Variants in MMD observed in about 807,000 individuals in gnomAD.
MMD encodes the protein monocyte to macrophage differentiation associated, also known as monocyte to macrophage differentiation factor.
MMD carries 22 observed loss-of-function variants against 33.6 expected under a neutral mutation model. That is an observed-to-expected ratio of 0.66 (90% CI 0.47 to 0.94). MMD has a LOEUF of 0.94. Among genes scored for constraint, MMD ranks in the 40% least tolerant of loss-of-function variants. MMD has a pLI of 0.00. For synonymous variants in MMD, 97 were observed against 103.2 expected, an observed-to-expected ratio of 0.94 and a Z score of 0.36; for missense variants, 242 against 309.8, an observed-to-expected ratio of 0.78 and a Z score of 1.64.
rs902689542 is a variant in MMD at position 55,411,175 on chromosome 17, T to C, written c.269+82A>G. 5 of 1,473,960 alleles carry C rather than the reference T, an allele frequency of 3.4e-6. 1 individual carries two copies. In the Admixed American group the frequency reaches 8.3e-5, roughly 24 times the overall value. The allele number at this position is 1,473,960 out of a possible 1,614,324, so 91.3% of individuals were successfully genotyped here. On this transcript the variant is annotated intron_variant, in intron 3 of 6. Coordinates refer to ENST00000262065, the MANE Select transcript of MMD (RefSeq NM_012329.3). ...ATGTCTACTCTTTGCCCTACTTGAC[T>C]AAAGCATGCCAGCTTGGAAGGGTAC... is the stretch of plus-strand genomic sequence containing the variant.
intron 4 of MMD, among the ~76,000 whole-genome samples, 186 bp from the exon 5 acceptor site, chr17:55,404,054 C>A (rs1907446322): frequency 6.6e-6 from 1 of 152,144 alleles, no homozygotes; most frequent in Non-Finnish European, 1.5e-5. Context: ...TGTCAGTCGA[C>A]CTTTAAGACT....
At chr17:55,415,568 G>C (rs2143158211) in intron 1 of MMD, among the ~76,000 whole-genome samples, 1 of 152,248 alleles carries the variant, frequency 6.6e-6, no homozygotes, top group South Asian at 2.1e-4. Context: ...ATTTTAGAGA[G>C]TGCCAAGTTT....
chr17:55,407,643 A>G (rs1907606984), intron 4 of MMD, 103 bp downstream of exon 4: 2 of 1,001,042 alleles, frequency 2.0e-6, no homozygotes, highest in Non-Finnish European at 3.0e-6. Flanking sequence ...GGTGGTGTAC[A>G]CATGAGGGCT....
At chr17:55,409,479 A>G (rs1008921631) in intron 3 of MMD, among the ~76,000 whole-genome samples, 1 of 152,340 alleles carries the variant, frequency 6.6e-6, no homozygotes, top group African/African-American at 2.4e-5. Context: ...CACTTACCTC[A>G]TAGGTAAAGT....
chr17:55,407,166 TA>T (rs1327746580), intron 4 of MMD, among the ~76,000 whole-genome samples: 1 of 151,702 alleles, frequency 6.6e-6, no homozygotes, highest in Non-Finnish European at 1.5e-5. Flanking sequence ...CCGTCTCTAC[TA>T]AAAATACAAA....
intron 4 of MMD, among the ~76,000 whole-genome samples, chr17:55,406,560 T>G (rs1907554039): frequency 6.6e-6 from 1 of 150,964 alleles, no homozygotes; most frequent in Admixed American, 6.6e-5. Flanking sequence ...ATAGTGAGAC[T>G]CTGTCTCAAA....
At chr17:55,407,051 G>A (rs941160809) in intron 4 of MMD, among the ~76,000 whole-genome samples, 5 of 150,848 alleles carry the variant, frequency 3.3e-5, no homozygotes, top group East Asian at 2.0e-4. Context: ...AAAATAGGCC[G>A]GGCACGGTGG....
chr17:55,414,314 T>A, intron 1 of MMD, 82 bp from the exon 2 acceptor site: 1 of 1,287,046 alleles, frequency 7.8e-7, no homozygotes, highest in Non-Finnish European at 1.1e-6. Flanking sequence ...GGGTATGTGG[T>A]CTATTCTACG....
chr17:55,408,534 C>T (rs1907644260), intron 3 of MMD, among the ~76,000 whole-genome samples: 1 of 152,134 alleles, frequency 6.6e-6, no homozygotes, highest in Admixed American at 6.5e-5. Context: ...GGAATTTGCC[C>T]TTTACTGAGG....
At chr17:55,407,942 C>A in intron 3 of MMD, 122 bp from the exon 4 acceptor site, 2 of 634,698 alleles carry the variant, frequency 3.2e-6, no homozygotes, top group East Asian at 6.4e-5. Flanking sequence ...TACACTTGTT[C>A]TTCCAAGGTT....
chr17:55,402,598 G>A (rs144494039), intron 5 of MMD, among the ~76,000 whole-genome samples: 72 of 152,268 alleles, frequency 4.7e-4, no homozygotes, highest in African/African-American at 1.6e-3. Flanking sequence ...CTCATTCATC[G>A]TGTTTTATAC....
At chr17:55,396,283 C>T (rs558452154) in intron 6 of MMD, among the ~76,000 whole-genome samples, 14 of 152,180 alleles carry the variant, frequency 9.2e-5, no homozygotes, top group Non-Finnish European at 1.5e-4. Flanking sequence ...ATCTTCACAA[C>T]GACCCTAAAT....
chr17:55,416,089 C>A lies in MMD; in HGVS notation c.27-1857G>T, dbSNP rs74396104. Among the ~76,000 whole-genome samples, 12 of 152,260 alleles carry A rather than the reference C, an allele frequency of 7.9e-5. 1 individual carries two copies. In the South Asian group the frequency reaches 1.0e-3, roughly 13 times the overall value. ...ATTGTCCTGAGACATAACAACAGAG[C>A]TATAAGTAGCATACCCTATTAGGAA... On this transcript the variant is annotated intron_variant, in intron 1 of 6. Transcript: ENST00000262065.
intron 6 of MMD, among the ~76,000 whole-genome samples, chr17:55,397,587 C>T (rs1234622110): frequency 6.6e-6 from 1 of 151,672 alleles, no homozygotes; most frequent in South Asian, 2.1e-4. Flanking sequence ...TGCAGTGGCC[C>T]GACCTCAGCT....
chr17:55,411,217 A>C, intron 3 of MMD, 40 bp downstream of exon 3: 3 of 1,582,602 alleles, frequency 1.9e-6, no homozygotes, highest in Non-Finnish European at 2.6e-6. Context: ...CGTTGAGTCA[A>C]CTATTTGGAT....
intron 5 of MMD, among the ~76,000 whole-genome samples, 195 bp downstream of exon 5, chr17:55,403,572 C>T (rs1192087415): frequency 6.6e-6 from 1 of 152,188 alleles, no homozygotes; most frequent in African/African-American, 2.4e-5. Context: ...AAACCTGTAC[C>T]ACTCTTGTTT....
intron 4 of MMD, among the ~76,000 whole-genome samples, chr17:55,404,291 G>A (rs77600118): frequency 0.042 from 6,381 of 152,028 alleles, 187 homozygotes; most frequent in Non-Finnish European, 0.064. Context: ...GGAGGCAGAG[G>A]TTGCAGTGAG....
intron 2 of MMD, among the ~76,000 whole-genome samples, chr17:55,413,032 AAATT>A (rs1468819840): frequency 6.6e-6 from 1 of 152,218 alleles, no homozygotes; most frequent in Non-Finnish European, 1.5e-5. Context: ...TGTTCTAAAA[AAATT>A]AATATGGGGG....
chr17:55,416,349 C>G (rs1437396298), intron 1 of MMD, among the ~76,000 whole-genome samples: 1 of 152,186 alleles, frequency 6.6e-6, no homozygotes, highest in Non-Finnish European at 1.5e-5. Context: ...ATGTTTGTGA[C>G]AGCTTAGTCC....
Sources: gnomAD v4.1 joint callset for allele counts (sites outside exome capture counted in the v4.1 genomes callset) on GRCh38, gnomAD v4.1.1 for gene constraint, MANE v1.5 for transcripts, NCBI Gene and HGNC (gene_info 2026-07-23, HGNC 2026-07-21) for gene names.